ITSN1: variants seen among roughly 807,000 people sequenced by gnomAD.
ITSN1 encodes the protein intersectin-1.
A neutral mutation model predicts 239.8 loss-of-function variants in ITSN1; 58 were observed. The observed-to-expected ratio is 0.24, with a 90% CI of 0.20 to 0.30. The LOEUF is 0.30. Ranked by LOEUF, ITSN1 falls within the 10% of genes least tolerant of loss-of-function variation. The pLI, the probability that ITSN1 is intolerant of heterozygous loss-of-function variation, is 1.00. For missense variants in ITSN1, 1,558 were observed against 2,103.3 expected (o/e 0.74, Z 5.07); for synonymous variants, 780 against 770.8 (o/e 1.01, Z -0.20).
At chr21:33,688,119 T>A (rs1266737052) in intron 1 of ITSN1, among the ~76,000 whole-genome samples, 1 of 152,082 alleles carries the variant, frequency 6.6e-6, no homozygotes, top group Non-Finnish European at 1.5e-5. Context: ...TGTTTAAGCA[T>A]CAGCCTTATT....
rs191913023 is a variant in ITSN1 at position 33,665,219 on chromosome 21, C to T, written c.-33+22506C>T. On this transcript the variant is annotated intron_variant, in intron 1 of 39. Transcript: ENST00000381318. Reference sequence around the variant, plus strand: ...TGGAGGTTGCAGTGAGCCAAGGCCGCACCATTGCACTCTAGCCTGGGTGAC... The same window carrying T: ...TGGAGGTTGCAGTGAGCCAAGGCCGTACCATTGCACTCTAGCCTGGGTGAC... 2.9e-3 allele frequency among the ~76,000 whole-genome samples: 416 copies of T among 142,904 alleles called. 2 individuals are homozygous for T. The highest frequency in any genetic ancestry group is 0.01 in the African/African-American group (396 of 38,708). 93.8% of individuals were successfully genotyped at this position (142,904 alleles called of 152,430 possible). A position where few individuals can be genotyped will look rare whatever the true frequency, so the allele number is the denominator to read the frequency against.
chr21:33,848,516 A>C (rs572809008), intron 29 of ITSN1, among the ~76,000 whole-genome samples: 3 of 152,216 alleles, frequency 2.0e-5, no homozygotes, highest in Non-Finnish European at 4.4e-5. Context: ...TCCGGGGAAG[A>C]GCATGAGCTC....
chr21:33,819,139 T>A, intron 23 of ITSN1, 102 bp from the exon 24 acceptor site: 1 of 844,326 alleles, frequency 1.2e-6, no homozygotes, highest in South Asian at 1.6e-5. Context: ...GTGGGTCGTT[T>A]AAAGTTTTAA....
intron 33 of ITSN1, among the ~76,000 whole-genome samples, chr21:33,871,698 G>A (rs1299657289): frequency 1.3e-5 from 2 of 151,638 alleles, no homozygotes; most frequent in South Asian, 2.1e-4. Flanking sequence ...CCGAGATCGC[G>A]CCACTGCACT....
intron 35 of ITSN1, among the ~76,000 whole-genome samples, chr21:33,883,167 A>C (rs1054308608): frequency 5.3e-5 from 8 of 152,234 alleles, no homozygotes; most frequent in Admixed American, 5.2e-4. Context: ...TGCTGTTTAG[A>C]ATACACCAGG....
chr21:33,668,864 C>T (rs768597230), intron 1 of ITSN1, among the ~76,000 whole-genome samples: 5 of 152,146 alleles, frequency 3.3e-5, no homozygotes, highest in African/African-American at 4.8e-5. Context: ...GTGGCTCCTC[C>T]GTCCTGCTTC....
Position 33,802,469 on chromosome 21 carries a change from A to C in ITSN1, c.2319+25A>C, listed in dbSNP as rs752713307. 13 of 1,612,054 alleles carry C rather than the reference A, an allele frequency of 8.1e-6. No homozygotes were observed. The South Asian group carries it at 1.4e-4, about 18-fold the overall frequency. On this transcript the variant is annotated intron_variant, in intron 20 of 39. Transcript: ENST00000381318. ...GGTAAGTGTTGCCTAACTGTCAGGA[A>C]GTCTGCATCTTATTCAATGTTTTGT...
intron 22 of ITSN1, chr21:33,814,374 C>T (rs2073124728): frequency 3.2e-6 from 1 of 309,302 alleles, no homozygotes; most frequent in African/African-American, 2.1e-5. Context: ...TGGAGAGAGC[C>T]TGCCTGTCAG....
At chr21:33,794,613 C>T (rs1012207278) in intron 17 of ITSN1, 145 bp downstream of exon 17, 130 of 1,132,460 alleles carry the variant, frequency 1.1e-4, no homozygotes, top group Admixed American at 1.1e-3. Flanking sequence ...AACACAAACA[C>T]GTGTATATAT....
chr21:33,747,713 A>G, intron 5 of ITSN1, among the ~76,000 whole-genome samples: 1 of 152,244 alleles, frequency 6.6e-6, no homozygotes, highest in East Asian at 1.9e-4. Flanking sequence ...ATTCAACCCA[A>G]AATTCTATAT....
intron 1 of ITSN1, among the ~76,000 whole-genome samples, chr21:33,711,652 TTGTGTGTGTGTGTGTG>T (rs58696981): frequency 5.9e-5 from 8 of 134,792 alleles, no homozygotes; most frequent in African/African-American, 1.3e-4. Flanking sequence ...TTTCTGTGTG[TTGTGTGTGTGTGTGTG>T]TGTGTGTGTG....
chr21:33,857,974 C>T lies in ITSN1; in HGVS notation c.3784-712C>T, dbSNP rs541265347. On this transcript the variant is annotated intron_variant, in intron 30 of 39. Transcript: ENST00000381318. ...TTCCCTAAAGAGCCTTCAGAAGCGC[C>T]TCCTGTGGGAGAAAATGACCTCCTT... Among the ~76,000 whole-genome samples the T allele has an allele frequency of 2.6e-5, 4 of 152,202 alleles. No homozygotes were observed. The South Asian group carries it at 8.3e-4, about 31-fold the overall frequency.
intron 1 of ITSN1, among the ~76,000 whole-genome samples, chr21:33,680,097 T>C (rs1392706549): frequency 6.6e-6 from 1 of 152,216 alleles, no homozygotes. Context: ...GTAATAGATA[T>C]AATGTTCTTT....
chr21:33,809,728 G>C (rs2072752866), intron 20 of ITSN1, among the ~76,000 whole-genome samples: 1 of 152,168 alleles, frequency 6.6e-6, no homozygotes, highest in African/African-American at 2.4e-5. Context: ...AGGCAGCATA[G>C]GAAGGGGTAA....
chr21:33,759,937 T>TA (rs552422111), intron 8 of ITSN1, among the ~76,000 whole-genome samples: 5 of 151,256 alleles, frequency 3.3e-5, no homozygotes, highest in South Asian at 2.1e-4. Flanking sequence ...CTGTCTCTAC[T>TA]AAAAAAAATA....
chr21:33,755,610 AGACCAGG>A (rs902424483), intron 8 of ITSN1, among the ~76,000 whole-genome samples: 2 of 152,228 alleles, frequency 1.3e-5, no homozygotes, highest in Non-Finnish European at 2.9e-5. Flanking sequence ...AATGGAATAT[AGACCAGG>A]GATACTCCTG....
chr21:33,876,102 C>CTTCTTTCTTTCTTTCT (rs750725563), intron 34 of ITSN1, among the ~76,000 whole-genome samples: 1 of 110,094 alleles, frequency 9.1e-6, no homozygotes, highest in African/African-American at 3.1e-5. Context: ...TCTTTCTTTC[C>CTTCTTTCTTTCTTTCT]TTCTTTCTTT....
rs555625956 is a variant in ITSN1, at chr21:33,892,597, G to A, written c.*4297G>A. ...GGGCGGATCTCAGGGACAGAAACAGGCTTGTATTAAGTATGAGTGGCAGGT... is the reference window on the plus strand; with the variant it reads ...GGGCGGATCTCAGGGACAGAAACAGACTTGTATTAAGTATGAGTGGCAGGT... On this transcript the variant is annotated 3_prime_UTR_variant, in exon 40 of 40. Coordinates refer to ENST00000381318, the MANE Select transcript of ITSN1 (RefSeq NM_003024.3). 6.6e-6 allele frequency: 1 copy of A among 152,296 alleles called. No individual in the cohort carries two copies. Among genetic ancestry groups the A allele is most frequent in the South Asian group, 2.1e-4 (1 of 4,818 alleles). The allele number at this position is 152,296 out of a possible 1,614,324, so 9.4% of individuals were successfully genotyped here.
intron 20 of ITSN1, among the ~76,000 whole-genome samples, chr21:33,809,477 A>G (rs573232633): frequency 2.6e-5 from 4 of 152,316 alleles, no homozygotes; most frequent in African/African-American, 9.6e-5. Flanking sequence ...CAAATAAGCT[A>G]ATAAGTATTG....
Sources: gnomAD v4.1 joint callset for allele counts (sites outside exome capture counted in the v4.1 genomes callset) on GRCh38, gnomAD v4.1.1 for gene constraint, MANE v1.5 for transcripts, NCBI Gene and HGNC (gene_info 2026-07-23, HGNC 2026-07-21) for gene names.